The following CAPN13 variants were observed in gnomAD, a reference collection of about 807,000 sequenced individuals.
The protein encoded by CAPN13 is calpain 13.
CAPN13 carries 90 observed loss-of-function variants against 98.4 expected under a neutral mutation model. That is an observed-to-expected ratio of 0.92 (90% CI 0.77 to 1.09). The LOEUF (loss-of-function observed/expected upper bound fraction) is 1.09, where lower values mean the gene tolerates loss of function less well. CAPN13 is among the 50% of genes least tolerant of loss of function. CAPN13 has a pLI of 0.00. For synonymous variants in CAPN13, 330 were observed against 305.5 expected (o/e 1.08, Z -0.84); for missense variants, 887 against 841.3 (o/e 1.05, Z -0.67).
rs373913163 is a variant in CAPN13, at chr2:30,753,146, C to G, written c.994G>C (p.Glu332Gln). Residue 332 changes from glutamate (E) to glutamine (Q), a missense_variant, in exon 10 of 23, where the codon GAA becomes CAA. Coordinates refer to ENST00000295055, the MANE Select transcript of CAPN13 (RefSeq NM_144575.3). The stretch of plus-strand genomic sequence containing the variant: ...CCATGGTCCAGGGTAATTGGAATTT[C>G]GCTACATATAAACATGGCGATGAAT... Reference protein sequence around the residue: ...QKFIAMFICSEIPITLDHGNT... With the variant: ...QKFIAMFICSQIPITLDHGNT... 14 of 1,613,900 alleles carry G rather than the reference C, an allele frequency of 8.7e-6. No individual in the cohort carries two copies. In the African/African-American group the frequency reaches 1.7e-4, roughly 20 times the overall value.
intron 15 of CAPN13, chr2:30,741,279 GC>G: frequency 3.0e-6 from 2 of 671,378 alleles, no homozygotes; most frequent in Non-Finnish European, 1.8e-6. Flanking sequence ...GGCAGGGCCT[GC>G]CATCCTTCCT....
At chr2:30,747,647 A>T (rs558243965) in intron 11 of CAPN13, among the ~76,000 whole-genome samples, 24 of 152,334 alleles carry the variant, frequency 1.6e-4, no homozygotes, top group Admixed American at 4.6e-4. Context: ...TCACAGACCC[A>T]TGCCAGGGCT....
At chr2:30,745,919 G>A (rs1440056732) in intron 11 of CAPN13, among the ~76,000 whole-genome samples, 185 bp from the exon 12 acceptor site, 1 of 27,720 alleles carries the variant, frequency 3.6e-5, no homozygotes, top group Non-Finnish European at 7.4e-5. Flanking sequence ...TTTTTTTTTT[G>A]AGATGGAGTC....
intron 1 of CAPN13, among the ~76,000 whole-genome samples, chr2:30,803,960 T>G (rs1231849615): frequency 6.6e-6 from 1 of 152,208 alleles, no homozygotes; most frequent in Non-Finnish European, 1.5e-5. Flanking sequence ...GAATGAGCTC[T>G]GCAGATTGGT....
At chr2:30,770,858 G>A (rs1673369989) in intron 4 of CAPN13, among the ~76,000 whole-genome samples, 1 of 152,246 alleles carries the variant, frequency 6.6e-6, no homozygotes, top group Non-Finnish European at 1.5e-5. Flanking sequence ...TAGCATGAGA[G>A]AGGCAGAGCC....
At chr2:30,761,539 C>T (rs143316435) in intron 7 of CAPN13, among the ~76,000 whole-genome samples, 59 of 152,274 alleles carry the variant, frequency 3.9e-4, no homozygotes, top group Non-Finnish European at 7.5e-4. Flanking sequence ...TCTGGGTACA[C>T]GAATCCCTTC....
At chr2:30,775,534 A>G (rs752719806) in intron 4 of CAPN13, among the ~76,000 whole-genome samples, 1 of 152,218 alleles carries the variant, frequency 6.6e-6, no homozygotes, top group Non-Finnish European at 1.5e-5. Flanking sequence ...AATTACCAAG[A>G]TATTTTTGAG....
chr2:30,735,499 C>A (rs1423543778), intron 18 of CAPN13, among the ~76,000 whole-genome samples: 1 of 152,212 alleles, frequency 6.6e-6, no homozygotes, highest in East Asian at 1.9e-4. Context: ...TTCATTCGTT[C>A]ATTCGGAATT....
chr2:30,732,235 G>A (rs950516766), intron 20 of CAPN13, among the ~76,000 whole-genome samples: 1 of 152,162 alleles, frequency 6.6e-6, no homozygotes, highest in Non-Finnish European at 1.5e-5. Context: ...AGAGACCTGC[G>A]ATGGGGAACT....
intron 7 of CAPN13, among the ~76,000 whole-genome samples, chr2:30,760,187 G>A (rs58492197): frequency 4.0e-4 from 61 of 152,270 alleles, no homozygotes; most frequent in African/African-American, 1.4e-3. Context: ...GGTTCATGCC[G>A]TCCTCCTGCC....
At chr2:30,796,631 A>ATT (rs1278821043) in intron 1 of CAPN13, among the ~76,000 whole-genome samples, 1 of 152,202 alleles carries the variant, frequency 6.6e-6, no homozygotes, top group Non-Finnish European at 1.5e-5. Flanking sequence ...AAAATTCTAA[A>ATT]TGACTTCAAA....
intron 1 of CAPN13, among the ~76,000 whole-genome samples, chr2:30,794,317 T>A (rs926419075): frequency 1.3e-5 from 2 of 151,898 alleles, no homozygotes; most frequent in Non-Finnish European, 2.9e-5. Flanking sequence ...TCATAAGTTA[T>A]CAGTGAAATG....
At chr2:30,775,323 C>A (rs999011917) in intron 4 of CAPN13, among the ~76,000 whole-genome samples, 8 of 152,014 alleles carry the variant, frequency 5.3e-5, no homozygotes, top group Non-Finnish European at 1.2e-4. Flanking sequence ...ATAAATATAA[C>A]ACTTTATTGA....
At chr2:30,796,704 A>G (rs1674901441) in intron 1 of CAPN13, among the ~76,000 whole-genome samples, 1 of 152,224 alleles carries the variant, frequency 6.6e-6, no homozygotes, top group Non-Finnish European at 1.5e-5. Flanking sequence ...AAAGTTAACT[A>G]TGCAAGTAAA....
rs1280154837 is a variant in CAPN13, at chr2:30,758,207, G to C, written c.775-70C>G. 5.0e-6 allele frequency: 6 copies of C among 1,188,202 alleles called. No homozygotes were observed. The Admixed American group carries it at 1.6e-4, about 31-fold the overall frequency. 73.6% of individuals were successfully genotyped at this position (1,188,202 alleles called of 1,614,324 possible). A position where few individuals can be genotyped will look rare whatever the true frequency, so the allele number is the denominator to read the frequency against. ...GTCAGCAGAAAGGGGGATGAATGCA[G>C]CTGCTTTTTACCTCCAAGGACCAAT... On this transcript the variant is annotated intron_variant, in intron 7 of 22. Transcript: ENST00000295055.
chr2:30,802,233 T>C (rs1393675760), intron 1 of CAPN13, among the ~76,000 whole-genome samples: 1 of 151,912 alleles, frequency 6.6e-6, no homozygotes, highest in African/African-American at 2.4e-5. Flanking sequence ...AAGGGAGCCA[T>C]TCCCTTTTCT....
chr2:30,768,133 C>A (rs1265127217), intron 5 of CAPN13, among the ~76,000 whole-genome samples: 1 of 152,226 alleles, frequency 6.6e-6, no homozygotes, highest in Non-Finnish European at 1.5e-5. Context: ...CACACACAGC[C>A]CCTTCTGAGG....
At position 30,770,325 on chromosome 2, in the gene CAPN13, T is replaced by C; in HGVS notation, c.512A>G (p.Lys171Arg). The C allele has an allele frequency of 6.2e-7, 1 of 1,613,916 alleles. No homozygotes were observed. Among genetic ancestry groups the C allele is most frequent in the Non-Finnish European group, 8.5e-7 (1 of 1,179,820 alleles). Residue 171 changes from lysine to arginine, a missense_variant, in exon 5 of 23, where the codon AAG becomes AGG. Physicochemically the swap from Lys to Arg is conservative, Grantham distance 26 (BLOSUM62 2). Transcript: ENST00000295055. The part of the protein sequence containing the change: ...NQEFWPCLLE[K>R]AYAKLLGSYS... ...GGGTTGTACTTACTTGGCATAGGCC[T>C]TCTCCAGCAGGCAGGGCCAGAACTC... is the stretch of plus-strand genomic sequence containing the variant.
intron 5 of CAPN13, among the ~76,000 whole-genome samples, chr2:30,769,458 T>C (rs747899635): frequency 1.3e-4 from 20 of 152,054 alleles, no homozygotes; most frequent in Non-Finnish European, 2.4e-4. Context: ...TTATGGAAAG[T>C]TTGAGTGTAT....
Sources: allele counts gnomAD v4.1 joint callset (sites outside exome capture counted in the v4.1 genomes callset), GRCh38; gene constraint gnomAD v4.1.1; transcripts MANE v1.5; gene names NCBI Gene and HGNC (gene_info 2026-07-23, HGNC 2026-07-21).